The following SIGLEC7 variants were observed in gnomAD, a reference collection of about 807,000 sequenced individuals.
SIGLEC7 encodes sialic acid binding Ig like lectin 7, also known as sialic acid-binding Ig-like lectin 7.
A neutral mutation model predicts 40.8 loss-of-function variants in SIGLEC7; 33 were observed. That is an observed-to-expected ratio of 0.81 (90% confidence interval 0.61 to 1.08). The LOEUF (loss-of-function observed/expected upper bound fraction) is 1.08. Ranked by LOEUF, SIGLEC7 falls within the 50% of genes least tolerant of loss-of-function variation. SIGLEC7 has a pLI of 0.00. For missense variants in SIGLEC7, 513 were observed against 576.1 expected (o/e 0.89, Z 1.12); for synonymous variants, 242 against 237.6 (o/e 1.02, Z -0.17).
intron 4 of SIGLEC7, 82 bp from the exon 5 acceptor site, chr19:51,146,672 T>C: frequency 2.5e-6 from 3 of 1,221,816 alleles, no homozygotes; most frequent in East Asian, 2.4e-5. Flanking sequence ...GGTACCCAAG[T>C]TGGGGGCCTT....
chr19:51,147,823 A>G (rs2092119813), intron 6 of SIGLEC7, among the ~76,000 whole-genome samples: 1 of 152,220 alleles, frequency 6.6e-6, no homozygotes, highest in Non-Finnish European at 1.5e-5. Flanking sequence ...TACTATCTGG[A>G]AAGGCCAGAT....
In SIGLEC7 at chr19:51,146,086, T is replaced by A; in HGVS notation, c.992T>A (p.Val331Asp). 1 of 1,614,188 alleles carries A rather than the reference T, an allele frequency of 6.2e-7. No individual in the cohort carries two copies. Among genetic ancestry groups the A allele is most frequent in the Non-Finnish European group, 8.5e-7 (1 of 1,180,030 alleles). Reference protein sequence around the residue: ...RAQNSLGSQHVSLNLSLQQEY... With the variant: ...RAQNSLGSQHDSLNLSLQQEY... ...CAGAACTCTCTGGGTTCCCAGCACG[T>A]TTCCCTGAACCTCTCCCTGCAACAG... is the stretch of plus-strand genomic sequence containing the variant. The change falls in exon 4 of 7, where the codon GTT (valine) becomes GAT (aspartate). Residue 331 changes from valine (V) to aspartate (D), a missense_variant. Coordinates refer to ENST00000317643, the MANE Select transcript of SIGLEC7 (RefSeq NM_014385.4).
intron 6 of SIGLEC7, among the ~76,000 whole-genome samples, chr19:51,148,702 C>T (rs1438499143): frequency 2.0e-5 from 3 of 152,130 alleles, no homozygotes; most frequent in African/African-American, 7.2e-5. Context: ...GAGTATAAAA[C>T]CAGTAATGTG....
Position 51,142,348 on chromosome 19 carries a change from C to T in SIGLEC7, c.-22C>T. 6.2e-7 allele frequency: 1 copy of T among 1,608,054 alleles called. No individual in the cohort carries two copies. The highest frequency in any genetic ancestry group is 8.5e-7 in the Non-Finnish European group (1 of 1,176,540). ...TGAGGAACAGACGTTCCCTCGCGGC[C>T]CTGGCACCTCCAACCCCAGATATGC... On this transcript the variant is annotated 5_prime_UTR_variant, in exon 1 of 7. Transcript: ENST00000317643. This position sits in a 1 kb window ranked among gnomAD's most constrained non-coding sequence, Gnocchi z 5.0.
In SIGLEC7 at chr19:51,142,535, A is replaced by G. The variant is rs1366043483; in HGVS notation, c.166A>G (p.Thr56Ala). Residue 56 changes from threonine to alanine, a missense_variant, in exon 1 of 7, where the codon ACT (threonine) becomes GCT (alanine). Thr to Ala is a moderately conservative substitution (Grantham distance 58). Coordinates refer to ENST00000317643, the MANE Select transcript of SIGLEC7 (RefSeq NM_014385.4). The surrounding 1 kb of genome is among the most constrained non-coding windows in gnomAD (Gnocchi z 5.0). ...CSFSYPVDSQ[T>A]DSDPVHGYWF... ...CTTCTCCTACCCAGTGGACAGCCAG[A>G]CTGACTCTGACCCAGTTCATGGCTA... 6.2e-7 allele frequency: 1 copy of G among 1,614,142 alleles called. No individual in the cohort carries two copies. Among genetic ancestry groups the G allele is most frequent in the East Asian group, 2.2e-5 (1 of 44,860 alleles).
chr19:51,143,611 T>C (rs975873805), intron 1 of SIGLEC7, among the ~76,000 whole-genome samples: 11 of 152,044 alleles, frequency 7.2e-5, no homozygotes, highest in African/African-American at 2.7e-4. Flanking sequence ...TGTGGGTTTG[T>C]AGTTTCTCTT....
intron 2 of SIGLEC7, 68 bp from the exon 3 acceptor site, chr19:51,144,844 C>G: frequency 6.3e-7 from 1 of 1,586,856 alleles, no homozygotes; most frequent in South Asian, 1.1e-5. Context: ...TTATGCAGCT[C>G]CTGGGGAGAC....
At chr19:51,152,797 TAC>T (rs1362661449) in intron 6 of SIGLEC7, 1 of 214,328 alleles carries the variant, frequency 4.7e-6, no homozygotes, top group African/African-American at 2.3e-5. Flanking sequence ...TTGGGTACGC[TAC>T]TTTCTTCATG....
chr19:51,146,563 G>A (rs527901636), intron 4 of SIGLEC7, among the ~76,000 whole-genome samples, 191 bp from the exon 5 acceptor site: 4 of 152,214 alleles, frequency 2.6e-5, no homozygotes, highest in South Asian at 2.1e-4. Context: ...TCAAATACAG[G>A]CAGGCTGTGC....
At chr19:51,147,085 T>A (rs2092113437) in intron 5 of SIGLEC7, 136 bp from the exon 6 acceptor site, 1 of 1,330,316 alleles carries the variant, frequency 7.5e-7, no homozygotes, top group Non-Finnish European at 1.0e-6. Context: ...AACACTGGGG[T>A]CTCTGGGACT....
intron 6 of SIGLEC7, among the ~76,000 whole-genome samples, chr19:51,152,647 G>T (rs1277647819): frequency 6.6e-6 from 1 of 152,148 alleles, no homozygotes; most frequent in Non-Finnish European, 1.5e-5. Context: ...GTTTCAGGAG[G>T]TCAGGGCCAA....
At chr19:51,144,759 C>A in intron 2 of SIGLEC7, 75 bp downstream of exon 2, 2 of 1,583,846 alleles carry the variant, frequency 1.3e-6, no homozygotes, top group South Asian at 2.3e-5. Context: ...GGGGTCAGGG[C>A]TCGACACTGG....
Position 51,145,729 on chromosome 19 carries a change from G to T in SIGLEC7, c.761-126G>T. The T allele has an allele frequency of 9.3e-7, 1 of 1,078,040 alleles. No homozygotes were observed. Among genetic ancestry groups the T allele is most frequent in the Non-Finnish European group, 1.3e-6 (1 of 742,252 alleles). 66.8% of individuals were successfully genotyped at this position (1,078,040 alleles called of 1,614,324 possible). ...AAGTTTACATTCCCAACAGTGAGCG[G>T]TGAACATAAGTATGTCCCTGCACCA... On this transcript the variant is annotated intron_variant, in intron 3 of 6. Transcript: ENST00000317643. The surrounding 1 kb of genome is among the most constrained non-coding windows in gnomAD (Gnocchi z 4.3).
Position 51,145,818 on chromosome 19 carries a change from A to C in SIGLEC7, c.761-37A>C, listed in dbSNP as rs1481534179. On this transcript the variant is annotated intron_variant, in intron 3 of 6. Coordinates refer to ENST00000317643, the MANE Select transcript of SIGLEC7 (RefSeq NM_014385.4). This position sits in a 1 kb window ranked among gnomAD's most constrained non-coding sequence, Gnocchi z 4.3. Reference sequence around the variant, plus strand: ...TGTATCCTTCCTCCCTGTTTCAATCACTTTGTCTCTTTGAACCTCCAACTT... The same window carrying C: ...TGTATCCTTCCTCCCTGTTTCAATCCCTTTGTCTCTTTGAACCTCCAACTT... The C allele has an allele frequency of 6.2e-7, 1 of 1,611,186 alleles. No homozygotes were observed. Among genetic ancestry groups the C allele is most frequent in the Non-Finnish European group, 8.5e-7 (1 of 1,178,330 alleles).
Position 51,153,174 on chromosome 19 carries a change from G to A in SIGLEC7, c.1333G>A (p.Gly445Arg). The A allele has an allele frequency of 6.2e-7, 1 of 1,609,436 alleles. No homozygotes were observed. The highest frequency in any genetic ancestry group is 8.5e-7 in the Non-Finnish European group (1 of 1,177,890). The change falls in exon 7 of 7, where the codon GGG (glycine) becomes AGG (arginine). Residue 445 changes from glycine to arginine, a missense_variant. Physicochemically the swap from Gly to Arg is moderately radical, Grantham distance 125 (BLOSUM62 -2). Transcript: ENST00000317643. ...IQYAPLSFHK[G>R]EPQDLSGQEA... ...GTATGCACCCCTCAGCTTTCATAAG[G>A]GGGAGCCTCAGGACCTATCAGGACA...
At position 51,142,302 on chromosome 19, in the gene SIGLEC7, C is replaced by A. The variant is rs780091738; in HGVS notation, c.-68C>A. The stretch of plus-strand genomic sequence containing the variant: ...GGGCCTCTTCTAAGTCTTGAGCCCG[C>A]AGTTCCTGAGAGAAGAACCCTGAGG... On this transcript the variant is annotated 5_prime_UTR_variant, in exon 1 of 7. Transcript: ENST00000317643. This position sits in a 1 kb window ranked among gnomAD's most constrained non-coding sequence, Gnocchi z 5.0. 10 of 1,564,632 alleles carry A rather than the reference C, an allele frequency of 6.4e-6. No homozygotes were observed. The African/African-American group carries it at 1.2e-4, about 19-fold the overall frequency.
At chr19:51,149,035 G>C (rs1367160797) in intron 6 of SIGLEC7, among the ~76,000 whole-genome samples, 1 of 152,132 alleles carries the variant, frequency 6.6e-6, no homozygotes, top group Non-Finnish European at 1.5e-5. Context: ...TTGTAAATTT[G>C]TTTAAGTTCC....
At chr19:51,152,070 G>A (rs74358703) in intron 6 of SIGLEC7, among the ~76,000 whole-genome samples, 2,210 of 152,286 alleles carry the variant, frequency 0.015, 58 homozygotes, top group African/African-American at 0.048. Context: ...ACCCCAAAAT[G>A]GGTGTCACTG....
chr19:51,146,896 G>T, intron 5 of SIGLEC7, 46 bp downstream of exon 5: 1 of 1,561,576 alleles, frequency 6.4e-7, no homozygotes. Flanking sequence ...GGGGGAGGGC[G>T]GACTGGGAGC....
Sources: gnomAD v4.1 joint callset for allele counts (sites outside exome capture counted in the v4.1 genomes callset) on GRCh38, gnomAD v4.1.1 for gene constraint, Gnocchi (gnomAD v3.1) non-coding constraint, MANE v1.5 for transcripts, NCBI Gene and HGNC (gene_info 2026-07-23, HGNC 2026-07-21) for gene names.